FSTL5: variants seen among roughly 807,000 people sequenced by gnomAD.
FSTL5 encodes follistatin-related protein 5.
A neutral mutation model predicts 89.1 loss-of-function variants in FSTL5; 62 were observed. The ratio of observed to expected loss-of-function variants is 0.70; its 90% CI spans 0.57 to 0.86. The LOEUF is 0.86. FSTL5 is among the 40% of genes least tolerant of loss of function. The pLI is 0.00. For missense variants in FSTL5, 1,057 were observed against 1,001.6 expected (o/e 1.06, Z -0.75); for synonymous variants, 383 against 346.2 (o/e 1.11, Z -1.18).
intron 3 of FSTL5, among the ~76,000 whole-genome samples, chr4:161,935,627 GT>G (rs1338430031): frequency 1.3e-5 from 2 of 151,792 alleles, no homozygotes; most frequent in East Asian, 3.9e-4. Flanking sequence ...GAATATGAAG[GT>G]TTTTTTAAAG....
intron 7 of FSTL5, among the ~76,000 whole-genome samples, chr4:161,609,103 C>T (rs751298696): frequency 9.9e-5 from 15 of 151,866 alleles, no homozygotes; most frequent in South Asian, 2.1e-4. Flanking sequence ...AGGCCTTATA[C>T]ATGAAGGTAG....
chr4:161,693,362 G>C (rs1738019349), intron 6 of FSTL5, among the ~76,000 whole-genome samples: 2 of 152,076 alleles, frequency 1.3e-5, no homozygotes, highest in Admixed American at 6.5e-5. Context: ...GTAAGATTTT[G>C]AGTAGTTTTG....
intron 4 of FSTL5, among the ~76,000 whole-genome samples, chr4:161,839,072 A>T (rs535627962): frequency 1.3e-5 from 2 of 152,080 alleles, no homozygotes; most frequent in Non-Finnish European, 2.9e-5. Flanking sequence ...ATAGGAGGAA[A>T]CTGGATATTT....
At chr4:161,531,170 A>G (rs1346196295) in intron 10 of FSTL5, among the ~76,000 whole-genome samples, 1 of 152,214 alleles carries the variant, frequency 6.6e-6, no homozygotes, top group East Asian at 1.9e-4. Context: ...CTCACATGAG[A>G]AAACTTCCAG....
intron 4 of FSTL5, among the ~76,000 whole-genome samples, chr4:161,860,206 T>C (rs1579148560): frequency 6.6e-6 from 1 of 152,066 alleles, no homozygotes. Flanking sequence ...GAGAATGGCG[T>C]GAACCCGGGA....
chr4:161,522,312 C>T (rs1731063224), intron 10 of FSTL5, among the ~76,000 whole-genome samples: 1 of 152,116 alleles, frequency 6.6e-6, no homozygotes. Flanking sequence ...TAAGAATGAA[C>T]GTAGGCACTG....
intron 8 of FSTL5, among the ~76,000 whole-genome samples, chr4:161,547,300 A>T (rs1732040380): frequency 6.6e-6 from 1 of 152,040 alleles, no homozygotes; most frequent in Non-Finnish European, 1.5e-5. Context: ...TTCTCAAATT[A>T]TTTGATTATT....
intron 4 of FSTL5, among the ~76,000 whole-genome samples, chr4:161,854,152 GA>G (rs1731646206): frequency 6.6e-6 from 1 of 152,198 alleles, no homozygotes; most frequent in Non-Finnish European, 1.5e-5. Context: ...GAGGAACAGG[GA>G]AAGCTTTCTA....
At chr4:161,747,922 T>A (rs2126778518) in intron 6 of FSTL5, among the ~76,000 whole-genome samples, 1 of 152,308 alleles carries the variant, frequency 6.6e-6, no homozygotes, top group East Asian at 1.9e-4. Flanking sequence ...TTACTTTTTA[T>A]CATTAAAAAA....
At chr4:161,851,045 C>T (rs1014514907) in intron 4 of FSTL5, among the ~76,000 whole-genome samples, 6 of 152,102 alleles carry the variant, frequency 3.9e-5, no homozygotes, top group Admixed American at 1.3e-4. Context: ...AGGTCAGAAA[C>T]AAAGATACAA....
chr4:162,151,509 A>T (rs1366862332), intron 1 of FSTL5, among the ~76,000 whole-genome samples: 1 of 152,160 alleles, frequency 6.6e-6, no homozygotes, highest in African/African-American at 2.4e-5. Flanking sequence ...AAATTTTAGG[A>T]TGTGACCTGC....
In FSTL5 at chr4:161,385,894, T is replaced by C; in HGVS notation, c.2397A>G (p.Gln799=). Residue 799 remains glutamine, a synonymous_variant, in exon 16 of 16, where the codon CAA becomes CAG. Coordinates refer to ENST00000306100, the MANE Select transcript of FSTL5 (RefSeq NM_020116.5). ...EEWPWNRKNR[Q]IQDSGLFGQY... Reference sequence around the variant, plus strand: ...GACCAAACAAGCCACTGTCCTGGATTTGCCTGTTTTTCCGGTTCCAAGGCC... The same window carrying C: ...GACCAAACAAGCCACTGTCCTGGATCTGCCTGTTTTTCCGGTTCCAAGGCC... The C allele has an allele frequency of 6.2e-7, 1 of 1,613,900 alleles. No individual in the cohort carries two copies. Among genetic ancestry groups the C allele is most frequent in the Non-Finnish European group, 8.5e-7 (1 of 1,179,936 alleles).
At chr4:162,074,320 A>C (rs1029878414) in intron 2 of FSTL5, among the ~76,000 whole-genome samples, 7 of 151,754 alleles carry the variant, frequency 4.6e-5, no homozygotes, top group African/African-American at 1.7e-4. Context: ...CCACATTCTT[A>C]GTAATGTTTG....
chr4:161,632,511 A>G (rs890387921), intron 7 of FSTL5, among the ~76,000 whole-genome samples: 1 of 152,222 alleles, frequency 6.6e-6, no homozygotes, highest in Non-Finnish European at 1.5e-5. Context: ...TGGCCAAATA[A>G]CATGGCTAAG....
intron 4 of FSTL5, among the ~76,000 whole-genome samples, chr4:161,874,657 G>A (rs1333928650): frequency 1.3e-5 from 2 of 149,792 alleles, no homozygotes; most frequent in African/African-American, 4.9e-5. Context: ...ATTCAGGGTA[G>A]TACCTTGGGG....
intron 3 of FSTL5, among the ~76,000 whole-genome samples, chr4:162,010,419 T>C (rs1461146415): frequency 6.6e-6 from 1 of 152,174 alleles, no homozygotes; most frequent in Non-Finnish European, 1.5e-5. Flanking sequence ...TTAATAATCA[T>C]GCTAAAAGGA....
At chr4:161,861,058 T>C (rs566413002) in intron 4 of FSTL5, among the ~76,000 whole-genome samples, 22 of 152,312 alleles carry the variant, frequency 1.4e-4, no homozygotes, top group African/African-American at 5.3e-4. Context: ...GTGAATTGTG[T>C]GCTACATATT....
intron 1 of FSTL5, among the ~76,000 whole-genome samples, chr4:162,143,332 C>T (rs1732824002): frequency 6.6e-6 from 1 of 151,782 alleles, no homozygotes; most frequent in African/African-American, 2.4e-5. Flanking sequence ...AAATAAATTC[C>T]ATTTGATTTA....
chr4:161,842,176 C>T lies in FSTL5; in HGVS notation c.410-66102G>A, dbSNP rs537458545. On this transcript the variant is annotated intron_variant, in intron 4 of 15. Coordinates refer to ENST00000306100, the MANE Select transcript of FSTL5 (RefSeq NM_020116.5). ...ACCTTTCCGTGTGTAATTAAGAAGGCCGTTTGCAATATAAATGCTATAGGC... is the reference window on the plus strand; with the variant it reads ...ACCTTTCCGTGTGTAATTAAGAAGGTCGTTTGCAATATAAATGCTATAGGC... 2.0e-5 allele frequency among the ~76,000 whole-genome samples: 3 copies of T among 152,212 alleles called. No individual in the cohort carries two copies. In the East Asian group the frequency reaches 5.8e-4, roughly 29 times the overall value.
Sources: allele counts gnomAD v4.1 joint callset (sites outside exome capture counted in the v4.1 genomes callset), GRCh38; gene constraint gnomAD v4.1.1; transcripts MANE v1.5; gene names NCBI Gene and HGNC (gene_info 2026-07-23, HGNC 2026-07-21).